The following KSR1 variants were observed in gnomAD, a reference collection of about 807,000 sequenced individuals.
KSR1 encodes the protein kinase suppressor of ras.
In KSR1, 35 loss-of-function variants were observed where a neutral mutation model predicts 92.9. The ratio of observed to expected loss-of-function variants is 0.38; its 90% CI spans 0.29 to 0.50. KSR1 has a LOEUF of 0.50. Among genes scored for constraint, KSR1 ranks in the 20% least tolerant of loss-of-function variants. The probability of loss-of-function intolerance (pLI) is 0.94; values close to 1 mark genes in which losing one functional copy is unlikely to be tolerated. For synonymous variants in KSR1, 467 were observed against 472.6 expected (o/e 0.99, Z 0.15); for missense variants, 972 against 1,158.5 (o/e 0.84, Z 2.34).
At chr17:27,523,056 CAA>C (rs745480820) in intron 1 of KSR1, among the ~76,000 whole-genome samples, 5 of 152,188 alleles carry the variant, frequency 3.3e-5, no homozygotes, top group Non-Finnish European at 5.9e-5. Context: ...CAACTACTCT[CAA>C]GAGAACTTGA....
At chr17:27,525,037 GAC>G (rs2151028072) in intron 1 of KSR1, among the ~76,000 whole-genome samples, 1 of 152,300 alleles carries the variant, frequency 6.6e-6, no homozygotes, top group East Asian at 1.9e-4. Context: ...GATCATTCTA[GAC>G]ACACAGAATT....
chr17:27,553,785 A>G (rs886343506), intron 2 of KSR1, among the ~76,000 whole-genome samples: 10 of 152,252 alleles, frequency 6.6e-5, no homozygotes, highest in African/African-American at 2.4e-4. Context: ...TATTTCCTTT[A>G]GTAAACCCAG....
intron 17 of KSR1, chr17:27,611,177 T>C (rs2073904504): frequency 3.1e-6 from 1 of 325,060 alleles, no homozygotes; most frequent in African/African-American, 2.1e-5. Context: ...TTAGCCCCAC[T>C]GAGGTGAAGC....
At chr17:27,612,785 G>A (rs529658091) in intron 18 of KSR1, 4 of 152,358 alleles carry the variant, frequency 2.6e-5, no homozygotes, top group Admixed American at 2.6e-4. Context: ...CACTTGTCCA[G>A]GCTAAGATAC....
In KSR1 at chr17:27,605,443, CCA is replaced by C; in HGVS notation, c.1625_1626del (p.Pro542ArgfsTer11). 2 of 1,609,830 alleles carry C rather than the reference CCA, an allele frequency of 1.2e-6. No homozygotes were observed. The highest frequency in any genetic ancestry group is 1.7e-6 in the Non-Finnish European group (2 of 1,179,022). On this transcript the variant is annotated frameshift_variant, in exon 14 of 21. Transcript: ENST00000644974. LOFTEE classifies it high-confidence loss of function. Reference protein sequence around the residue: ...LEAHEAEAEEPEAGKSEAEDD... With the variant: ...LEAHEAEAEEXEAGKSEAEDD... ...CCTGCTCTCCTTTCAGGCTGAGGAG[CCA>C]GAGGCTGGCAAGTCAGAGGCAGAAG...
chr17:27,550,987 T>C (rs1384125957), intron 2 of KSR1, among the ~76,000 whole-genome samples: 3 of 152,198 alleles, frequency 2.0e-5, no homozygotes, highest in Non-Finnish European at 4.4e-5. Context: ...TCTGGAAGCA[T>C]TGGCTGTGTG....
At position 27,592,366 on chromosome 17, in the gene KSR1, A is replaced by G. The variant is rs751479253; in HGVS notation, c.1136A>G (p.Lys379Arg). 3.2e-5 allele frequency: 51 copies of G among 1,613,766 alleles called. No homozygotes were observed. Among genetic ancestry groups the G allele is most frequent in the Non-Finnish European group, 4.3e-5 (51 of 1,179,818 alleles). The change falls in exon 8 of 21, where the codon AAG (lysine) becomes AGG (arginine). Residue 379 changes from lysine (K) to arginine (R), a missense_variant. Coordinates refer to ENST00000644974, the MANE Select transcript of KSR1 (RefSeq NM_001394583.1). ...AACCTCCCCTTCTTTACCAGGTTGAAGTGTCACAACAAATGTACCAAAGAA... is the reference window on the plus strand; with the variant it reads ...AACCTCCCCTTCTTTACCAGGTTGAGGTGTCACAACAAATGTACCAAAGAA... ...FGVKCKHCRL[K>R]CHNKCTKEAP... is the part of the protein sequence containing the mutation.
At chr17:27,530,951 T>C (rs2070511609) in intron 1 of KSR1, among the ~76,000 whole-genome samples, 1 of 152,254 alleles carries the variant, frequency 6.6e-6, no homozygotes, top group Non-Finnish European at 1.5e-5. Context: ...TGTCATAGTT[T>C]AGTAAGTGGT....
At chr17:27,604,001 G>A in intron 12 of KSR1, 113 bp downstream of exon 12, 2 of 1,064,194 alleles carry the variant, frequency 1.9e-6, no homozygotes. Flanking sequence ...GCCAGATGCA[G>A]AACTCCCTGG....
intron 18 of KSR1, among the ~76,000 whole-genome samples, chr17:27,616,418 ACTTT>A (rs1287415862): frequency 2.0e-5 from 3 of 152,112 alleles, no homozygotes; most frequent in African/African-American, 4.8e-5. Context: ...CATTTCAAGC[ACTTT>A]CTTATTTGTT....
chr17:27,543,565 G>C (rs1231320518), intron 1 of KSR1, among the ~76,000 whole-genome samples: 1 of 152,204 alleles, frequency 6.6e-6, no homozygotes, highest in Non-Finnish European at 1.5e-5. Flanking sequence ...GTGCTCTCCA[G>C]GGATGTCTGA....
chr17:27,520,658 G>A (rs1026901118), intron 1 of KSR1, among the ~76,000 whole-genome samples: 1 of 152,220 alleles, frequency 6.6e-6, no homozygotes, highest in Non-Finnish European at 1.5e-5. Flanking sequence ...CCCTTTGTCC[G>A]GACGAGGCCT....
At chr17:27,482,886 T>C (rs1354439868) in intron 1 of KSR1, among the ~76,000 whole-genome samples, 2 of 150,084 alleles carry the variant, frequency 1.3e-5, no homozygotes, top group East Asian at 3.9e-4. Flanking sequence ...TTTTCCTTTT[T>C]TCTTTCCCAA....
intron 1 of KSR1, among the ~76,000 whole-genome samples, chr17:27,505,177 TC>T (rs1218774541): frequency 2.0e-5 from 3 of 152,140 alleles, no homozygotes; most frequent in Non-Finnish European, 4.4e-5. Context: ...AGGAGGATAG[TC>T]CGTTTGAATC....
chr17:27,555,314 T>C (rs867261966), intron 2 of KSR1, among the ~76,000 whole-genome samples: 1 of 152,230 alleles, frequency 6.6e-6, no homozygotes, highest in Non-Finnish European at 1.5e-5. Flanking sequence ...AAGAGTTGTC[T>C]TTTCTCCTCC....
intron 1 of KSR1, among the ~76,000 whole-genome samples, chr17:27,521,973 T>G (rs1293802467): frequency 6.6e-6 from 1 of 152,248 alleles, no homozygotes; most frequent in Non-Finnish European, 1.5e-5. Flanking sequence ...TATTTACCAT[T>G]GCATCTTTTC....
chr17:27,600,470 T>C (rs1170621785), intron 10 of KSR1, among the ~76,000 whole-genome samples: 1 of 152,088 alleles, frequency 6.6e-6, no homozygotes, highest in East Asian at 1.9e-4. Flanking sequence ...AAAAAAATTT[T>C]AAAAATGATT....
chr17:27,491,909 T>C (rs1344253420), intron 1 of KSR1, among the ~76,000 whole-genome samples: 2 of 152,126 alleles, frequency 1.3e-5, no homozygotes, highest in Non-Finnish European at 2.9e-5. Context: ...CCTGCTATAC[T>C]CTGCTCACCA....
At chr17:27,604,381 T>C (rs186482154) in intron 12 of KSR1, among the ~76,000 whole-genome samples, 8 of 152,300 alleles carry the variant, frequency 5.3e-5, no homozygotes, top group Admixed American at 5.2e-4. Flanking sequence ...CCGAGTCCTG[T>C]GGGTGTGCTC....
Sources: gnomAD v4.1 joint callset for allele counts (sites outside exome capture counted in the v4.1 genomes callset) on GRCh38, gnomAD v4.1.1 for gene constraint, MANE v1.5 for transcripts, NCBI Gene and HGNC (gene_info 2026-07-23, HGNC 2026-07-21) for gene names.